Variants in SLIT2 observed in about 807,000 individuals in gnomAD.
SLIT2 encodes slit guidance ligand 2, also known as slit homolog 2 protein.
Under a neutral mutation model 185.7 loss-of-function variants are expected in SLIT2, and 41 were observed. The observed-to-expected ratio is 0.22, with a 90% CI of 0.17 to 0.29. The LOEUF (loss-of-function observed/expected upper bound fraction) is 0.29, where lower values mean the gene tolerates loss of function less well. Among genes scored for constraint, SLIT2 ranks in the 10% least tolerant of loss-of-function variants. The probability of loss-of-function intolerance (pLI) is 1.00; values close to 1 mark genes in which losing one functional copy is unlikely to be tolerated. For missense variants in SLIT2, 1,571 were observed against 1,909.0 expected, an observed-to-expected ratio of 0.82 and a Z score of 3.30; for synonymous variants, 693 against 680.2, an observed-to-expected ratio of 1.02 and a Z score of -0.29.
chr4:20,455,195 T>C (rs1712930420), intron 4 of SLIT2, among the ~76,000 whole-genome samples: 1 of 152,140 alleles, frequency 6.6e-6, no homozygotes, highest in East Asian at 1.9e-4. Context: ...AAGGTGTTCC[T>C]ATAGTCTGTT....
In SLIT2 at chr4:20,553,957, T is replaced by G. The variant is rs1724013730; in HGVS notation, c.2714T>G (p.Phe905Cys). 1 of 1,598,150 alleles carries G rather than the reference T, an allele frequency of 6.3e-7. No homozygotes were observed. Among genetic ancestry groups the G allele is most frequent in the Non-Finnish European group, 8.5e-7 (1 of 1,175,234 alleles). The change falls in exon 26 of 37, where the codon TTT (phenylalanine) becomes TGT (cysteine). Residue 905 changes from phenylalanine (F) to cysteine (C), a missense_variant. This residue lies in a region of SLIT2 where 1,202 missense variants were observed against 1,416.4 expected (regional missense o/e 0.85). Coordinates refer to ENST00000504154, the MANE Select transcript of SLIT2 (RefSeq NM_004787.4). The stretch of plus-strand genomic sequence containing the variant: ...TTACTCACAACTCCCTCCAAAAAAT[T>G]TACCTGTCAAGGTATGGTTTTTAAT... Reference protein sequence around the residue: ...KLLLTTPSKKFTCQGPVDVNI... With the variant: ...KLLLTTPSKKCTCQGPVDVNI...
chr4:20,594,291 G>GTA (rs375488390), intron 30 of SLIT2, among the ~76,000 whole-genome samples: 76 of 149,408 alleles, frequency 5.1e-4, no homozygotes, highest in South Asian at 2.6e-3. Context: ...GTATATGTGT[G>GTA]TATATATATA....
intron 26 of SLIT2, among the ~76,000 whole-genome samples, chr4:20,555,245 T>G (rs1724147147): frequency 6.6e-6 from 1 of 152,146 alleles, no homozygotes. Flanking sequence ...TTCCATGATT[T>G]GAAAACCTAA....
At chr4:20,538,496 A>C (rs1722506310) in intron 18 of SLIT2, among the ~76,000 whole-genome samples, 1 of 152,214 alleles carries the variant, frequency 6.6e-6, no homozygotes, top group East Asian at 1.9e-4. Context: ...TTTTAAAGTG[A>C]CACTTTGTTT....
intron 4 of SLIT2, among the ~76,000 whole-genome samples, chr4:20,449,350 T>A (rs1030482277): frequency 6.6e-6 from 1 of 152,218 alleles, no homozygotes; most frequent in Non-Finnish European, 1.5e-5. Flanking sequence ...AGACAATGTA[T>A]TGGTTTTGTT....
chr4:20,311,786 A>C (rs1014230437), intron 4 of SLIT2, among the ~76,000 whole-genome samples: 3 of 152,214 alleles, frequency 2.0e-5, no homozygotes, highest in Non-Finnish European at 4.4e-5. Flanking sequence ...AATATACTCT[A>C]TTAAGCCACT....
Position 20,489,050 on chromosome 4 carries a change from T to C in SLIT2, c.775+68T>C, listed in dbSNP as rs1391643750. 12 of 1,291,778 alleles carry C rather than the reference T, an allele frequency of 9.3e-6. No homozygotes were observed. The African/African-American group carries it at 1.2e-4, about 13-fold the overall frequency. The allele number at this position is 1,291,778 out of a possible 1,614,324, so 80.0% of individuals were successfully genotyped here. On this transcript the variant is annotated intron_variant, in intron 8 of 36. Coordinates refer to ENST00000504154, the MANE Select transcript of SLIT2 (RefSeq NM_004787.4). ...CTGTTATGTAACAGAATGTGAGGGCTGCATGCGTCAAAGGTTTCAGTATTG... is the reference window on the plus strand; with the variant it reads ...CTGTTATGTAACAGAATGTGAGGGCCGCATGCGTCAAAGGTTTCAGTATTG...
At chr4:20,502,426 G>A (rs966459140) in intron 9 of SLIT2, among the ~76,000 whole-genome samples, 5 of 152,286 alleles carry the variant, frequency 3.3e-5, no homozygotes, top group Admixed American at 2.6e-4. Context: ...CAGGCATTAT[G>A]GATGAAAGGG....
intron 4 of SLIT2, among the ~76,000 whole-genome samples, chr4:20,289,064 A>G (rs1577374178): frequency 6.6e-6 from 1 of 152,334 alleles, no homozygotes; most frequent in African/African-American, 2.4e-5. Context: ...GAATCAGGTC[A>G]GGACTCTAAT....
At chr4:20,264,693 G>A (rs1386383226) in intron 3 of SLIT2, among the ~76,000 whole-genome samples, 5 of 151,832 alleles carry the variant, frequency 3.3e-5, no homozygotes, top group Non-Finnish European at 7.4e-5. Flanking sequence ...GGTGTTTTGT[G>A]CAATGCAGAA....
At chr4:20,374,994 T>A (rs1321696611) in intron 4 of SLIT2, among the ~76,000 whole-genome samples, 1 of 152,098 alleles carries the variant, frequency 6.6e-6, no homozygotes, top group Non-Finnish European at 1.5e-5. Context: ...TTTTTCTTCC[T>A]TATAGCTCAT....
rs971936474 is a variant in SLIT2, at chr4:20,454,509, G to C, written c.396-13243G>C. ...CTTTGCTTTTCTAAAGTTAAAATCT[G>C]GCAAATACTCATTTATCATTACTCA... On this transcript the variant is annotated intron_variant, in intron 4 of 36. Coordinates refer to ENST00000504154, the MANE Select transcript of SLIT2 (RefSeq NM_004787.4). 2.6e-5 allele frequency among the ~76,000 whole-genome samples: 4 copies of C among 152,144 alleles called. No homozygotes were observed. In the South Asian group the frequency reaches 6.2e-4, roughly 24 times the overall value.
chr4:20,379,795 C>T (rs1158621268), intron 4 of SLIT2, among the ~76,000 whole-genome samples: 4 of 152,080 alleles, frequency 2.6e-5, no homozygotes, highest in Admixed American at 6.6e-5. Flanking sequence ...GTGAGCTCCG[C>T]GACTCCCCAA....
rs1729966764 is a variant in SLIT2 at position 20,620,041 on chromosome 4, C to T, written c.*1032C>T. The T allele has an allele frequency of 5.4e-6, 1 of 186,012 alleles. No homozygotes were observed. Among genetic ancestry groups the T allele is most frequent in the Non-Finnish European group, 1.1e-5 (1 of 88,788 alleles). The allele number at this position is 186,012 out of a possible 1,614,324, so 11.5% of individuals were successfully genotyped here. On this transcript the variant is annotated 3_prime_UTR_variant, in exon 37 of 37. Transcript: ENST00000504154. ...GACCTACTGGCCTCATTCAGGACAC[C>T]TGCAGAGAGTATGCAAAGTCCGAGA...
At chr4:20,556,402 A>G (rs1036716547) in intron 26 of SLIT2, among the ~76,000 whole-genome samples, 3 of 152,134 alleles carry the variant, frequency 2.0e-5, no homozygotes, top group East Asian at 1.9e-4. Flanking sequence ...TTTATTTTCA[A>G]TAATGCTAAT....
At chr4:20,418,713 C>G (rs1043805850) in intron 4 of SLIT2, among the ~76,000 whole-genome samples, 4 of 152,146 alleles carry the variant, frequency 2.6e-5, no homozygotes, top group Admixed American at 2.6e-4. Context: ...GAGAACAACT[C>G]TAAGTTGTCA....
rs1722155817 is a variant in SLIT2 at position 20,252,941 on chromosome 4, G to A, written c.-875G>A. Among the ~76,000 whole-genome samples the A allele has an allele frequency of 6.6e-6, 1 of 152,188 alleles. No individual in the cohort carries two copies. Among genetic ancestry groups the A allele is most frequent in the Admixed American group, 6.5e-5 (1 of 15,286 alleles). ...ACTTGGCCTCTTGGAGTTCCTCGCC[G>A]GAGTGCTGACTAGTGGATATTTCTG... On this transcript the variant is annotated 5_prime_UTR_variant, in exon 1 of 37. Transcript: ENST00000504154.
chr4:20,371,802 T>C (rs1299690027), intron 4 of SLIT2, among the ~76,000 whole-genome samples: 2 of 152,132 alleles, frequency 1.3e-5, no homozygotes, highest in Non-Finnish European at 2.9e-5. Context: ...GTTTTCCATA[T>C]GTATGGAAAT....
intron 4 of SLIT2, among the ~76,000 whole-genome samples, chr4:20,323,840 C>A (rs979715234): frequency 6.6e-6 from 1 of 152,178 alleles, no homozygotes; most frequent in Non-Finnish European, 1.5e-5. Context: ...TAATTATCCC[C>A]ATGTGCCTTG....
Sources: allele counts gnomAD v4.1 joint callset (sites outside exome capture counted in the v4.1 genomes callset), GRCh38; gene constraint gnomAD v4.1.1; regional missense constraint gnomAD v4.1.1; transcripts MANE v1.5; gene names NCBI Gene and HGNC (gene_info 2026-07-23, HGNC 2026-07-21).